The following LRRC47 variants were observed in gnomAD, a reference collection of about 807,000 sequenced individuals.
LRRC47 encodes the protein leucine rich repeat containing 47.
LRRC47 carries 31 observed loss-of-function variants against 40.9 expected under a neutral mutation model. The observed-to-expected ratio is 0.76, with a 90% CI of 0.57 to 1.02. The LOEUF (loss-of-function observed/expected upper bound fraction) is 1.02, where lower values mean the gene tolerates loss of function less well. LRRC47 is among the 50% of genes least tolerant of loss of function. The probability of loss-of-function intolerance (pLI) is 0.00; values close to 1 mark genes in which losing one functional copy is unlikely to be tolerated. For synonymous variants in LRRC47, 427 were observed against 371.9 expected, an observed-to-expected ratio of 1.15 and a Z score of -1.70; for missense variants, 726 against 796.1, an observed-to-expected ratio of 0.91 and a Z score of 1.06.
At chr1:3,793,062 T>C (rs1643641812) in intron 1 of LRRC47, among the ~76,000 whole-genome samples, 1 of 151,948 alleles carries the variant, frequency 6.6e-6, no homozygotes. Context: ...GAGAAAATTA[T>C]GGTGGTGAAA....
chr1:3,780,437 A>G lies in LRRC47; in HGVS notation c.*651T>C, dbSNP rs112599349. ...GCTGTTACGTGGCACATGACTGTACAGTGCCACGTAACAGCACTGTACTTT... is the reference window on the plus strand; with the variant it reads ...GCTGTTACGTGGCACATGACTGTACGGTGCCACGTAACAGCACTGTACTTT... On this transcript the variant is annotated 3_prime_UTR_variant, in exon 7 of 7. Transcript: ENST00000378251. The G allele has an allele frequency of 1.3e-4, 20 of 152,344 alleles. No individual in the cohort carries two copies. The highest frequency in any genetic ancestry group is 4.6e-4 in the African/African-American group (19 of 41,548). The allele number at this position is 152,344 out of a possible 1,614,324, so 9.4% of individuals were successfully genotyped here.
chr1:3,796,262 T>TGCGCCAGGCCAGGCCCC lies in LRRC47; in HGVS notation c.198_214dup (p.Gln72ArgfsTer26). 2.0e-6 allele frequency: 3 copies of TGCGCCAGGCCAGGCCCC among 1,467,530 alleles called. No homozygotes were observed. Among genetic ancestry groups the TGCGCCAGGCCAGGCCCC allele is most frequent in the Non-Finnish European group, 2.7e-6 (3 of 1,118,430 alleles). The allele number at this position is 1,467,530 out of a possible 1,614,324, so 90.9% of individuals were successfully genotyped here. A position where few individuals can be genotyped will look rare whatever the true frequency, so the allele number is the denominator to read the frequency against. On this transcript the variant is annotated frameshift_variant, in exon 1 of 7. Coordinates refer to ENST00000378251, the MANE Select transcript of LRRC47 (RefSeq NM_020710.3). LOFTEE classifies it high-confidence loss of function. ...GAGGCTGTGCAGCTGCGGCAGGCCCTGCGCCAGGCCAGGCCCCGGCGCGCG... is the reference window on the plus strand; with the variant it reads ...GAGGCTGTGCAGCTGCGGCAGGCCCTGCGCCAGGCCAGGCCCCGCGCCAGGCCAGGCCCCGGCGCGCG...
intron 2 of LRRC47, among the ~76,000 whole-genome samples, chr1:3,786,119 C>T (rs543568913): frequency 6.6e-6 from 1 of 152,280 alleles, no homozygotes; most frequent in African/African-American, 2.4e-5. Flanking sequence ...ATGCACCCAC[C>T]TCGGCCTCCT....
intron 3 of LRRC47, 183 bp from the exon 4 acceptor site, chr1:3,784,294 C>T (rs1035131167): frequency 5.1e-6 from 3 of 590,012 alleles, no homozygotes; most frequent in South Asian, 2.1e-5. Flanking sequence ...GCCACTGCAG[C>T]GTCCCGGGGA....
intron 6 of LRRC47, 55 bp downstream of exon 6, chr1:3,781,457 C>G: frequency 6.3e-7 from 1 of 1,583,352 alleles, no homozygotes; most frequent in Non-Finnish European, 8.7e-7. Flanking sequence ...AGTCAAGGAG[C>G]AGAGCACCAC....
chr1:3,796,007 C>A lies in LRRC47; in HGVS notation c.470G>T (p.Ser157Ile), dbSNP rs1451199907. The part of the protein sequence containing the change: ...DLARCAPRLQ[S>I]LNLTGNCLDS... The stretch of plus-strand genomic sequence containing the variant: ...TAGGCAATTGCCGGTGAGGTTGAGG[C>A]TCTGCAGGCGCGGGGCGCAGCGCGC... Residue 157 changes from serine (S) to isoleucine (I), a missense_variant, in exon 1 of 7, where the codon AGC becomes ATC. Coordinates refer to ENST00000378251, the MANE Select transcript of LRRC47 (RefSeq NM_020710.3). 2 of 1,560,206 alleles carry A rather than the reference C, an allele frequency of 1.3e-6. No individual in the cohort carries two copies. The highest frequency in any genetic ancestry group is 1.2e-5 in the South Asian group (1 of 85,272).
Position 3,793,482 on chromosome 1 carries a change from A to T in LRRC47, c.615+2380T>A, listed in dbSNP as rs112811430. 1.0e-3 allele frequency among the ~76,000 whole-genome samples: 154 copies of T among 152,186 alleles called. 1 individual carries two copies. Among genetic ancestry groups the T allele is most frequent in the African/African-American group, 3.5e-3 (146 of 41,508 alleles). ...TAAATGATAATACTCCTTCCGTAAA[A>T]CTCAACTGCCTTTGTAAAGCTAATG... On this transcript the variant is annotated intron_variant, in intron 1 of 6. Coordinates refer to ENST00000378251, the MANE Select transcript of LRRC47 (RefSeq NM_020710.3).
chr1:3,789,097 G>C (rs1643603879), intron 1 of LRRC47, among the ~76,000 whole-genome samples: 1 of 152,256 alleles, frequency 6.6e-6, no homozygotes, highest in Non-Finnish European at 1.5e-5. Context: ...ATCTACTCCT[G>C]GAATCCAGGT....
Position 3,786,976 on chromosome 1 carries a change from T to A in LRRC47, c.950A>T (p.Asn317Ile). 6.2e-7 allele frequency: 1 copy of A among 1,611,056 alleles called. No individual in the cohort carries two copies. The highest frequency in any genetic ancestry group is 8.5e-7 in the Non-Finnish European group (1 of 1,178,940). Residue 317 changes from asparagine (N) to isoleucine (I), a missense_variant, in exon 2 of 7, where the codon AAC becomes ATC. Transcript: ENST00000378251. ...CACTCTGACTGTCAGAGGTACGGGG[T>A]TTTCAGAGACGTGCAGGACCCTGAG... is the stretch of plus-strand genomic sequence containing the variant. ...LLLRVLHVSE[N>I]PVPLTVRVSP...
intron 4 of LRRC47, among the ~76,000 whole-genome samples, chr1:3,783,318 G>A (rs1347416927): frequency 6.6e-6 from 1 of 151,208 alleles, no homozygotes; most frequent in East Asian, 1.9e-4. Context: ...TACTCGGGAG[G>A]CTGAGGCGGC....
At chr1:3,795,053 C>CAAAAA (rs35186516) in intron 1 of LRRC47, among the ~76,000 whole-genome samples, 26 of 61,480 alleles carry the variant, frequency 4.2e-4, no homozygotes, top group Non-Finnish European at 5.8e-4. Flanking sequence ...GACTACATCT[C>CAAAAA]AAAAAAAAAA....
intron 1 of LRRC47, among the ~76,000 whole-genome samples, chr1:3,794,450 G>A (rs1048789960): frequency 3.3e-5 from 5 of 151,708 alleles, no homozygotes; most frequent in Admixed American, 2.6e-4. Context: ...GGGCTCAAGT[G>A]ATCCTCCCAC....
At chr1:3,782,321 C>T (rs1045921812) in intron 5 of LRRC47, among the ~76,000 whole-genome samples, 5 of 151,814 alleles carry the variant, frequency 3.3e-5, no homozygotes, top group South Asian at 2.1e-4. Context: ...GGGGTTCAAG[C>T]GATTCTCCTG....
At chr1:3,784,260 G>A (rs1227918643) in intron 3 of LRRC47, 149 bp from the exon 4 acceptor site, 6 of 651,992 alleles carry the variant, frequency 9.2e-6, no homozygotes, top group South Asian at 3.8e-5. Context: ...ACGGGACCAC[G>A]CAGCAAGAAG....
rs764266167 is a variant in LRRC47, at chr1:3,781,039, G to A, written c.*49C>T. 3.5e-5 allele frequency: 55 copies of A among 1,588,240 alleles called. No individual in the cohort carries two copies. The highest frequency in any genetic ancestry group is 4.2e-5 in the Non-Finnish European group (49 of 1,164,854). ...ACGGATAATTCAGCATTGCCGCATA[G>A]AAACCTCCGCAAAACCGGCCAAACA... On this transcript the variant is annotated 3_prime_UTR_variant, in exon 7 of 7. Transcript: ENST00000378251.
At chr1:3,791,452 CTTCT>C (rs1257391185) in intron 1 of LRRC47, among the ~76,000 whole-genome samples, 4 of 152,158 alleles carry the variant, frequency 2.6e-5, no homozygotes, top group African/African-American at 9.7e-5. Flanking sequence ...TTTCCTCCCC[CTTCT>C]TTCTCTCCTT....
rs774654299 is a variant in LRRC47 at position 3,785,123 on chromosome 1, G to C, written c.1158C>G (p.Pro386=). The change falls in exon 3 of 7, where the codon CCC becomes CCG. Residue 386 remains proline, a synonymous_variant. Transcript: ENST00000378251. ...ATHELRAVKG[P]LLYCARPPQD... ...GTGGGGGCCGGGCGCAGTACAGCAG[G>C]GGCCCTTTGACGGCACGGAGCTCGT... 3.1e-6 allele frequency: 5 copies of C among 1,600,808 alleles called. No homozygotes were observed. In the African/African-American group the frequency reaches 5.4e-5, roughly 17 times the overall value.
chr1:3,783,493 C>A (rs1472029729), intron 4 of LRRC47, among the ~76,000 whole-genome samples: 1 of 150,858 alleles, frequency 6.6e-6, no homozygotes, highest in Non-Finnish European at 1.5e-5. Flanking sequence ...AAGTTCTTTA[C>A]ACAAATTAAG....
intron 5 of LRRC47, among the ~76,000 whole-genome samples, chr1:3,781,977 CTCAA>C (rs756160415): frequency 8.5e-5 from 13 of 152,176 alleles, no homozygotes; most frequent in Non-Finnish European, 1.6e-4. Flanking sequence ...CAAGACCTAT[CTCAA>C]TCAATCAATT....
Sources: gnomAD v4.1 joint callset for allele counts (sites outside exome capture counted in the v4.1 genomes callset) on GRCh38, gnomAD v4.1.1 for gene constraint, MANE v1.5 for transcripts, NCBI Gene and HGNC (gene_info 2026-07-23, HGNC 2026-07-21) for gene names.